Variants in ADAMTS20 observed in about 807,000 individuals in gnomAD.
ADAMTS20 encodes A disintegrin and metalloproteinase with thrombospondin motifs 20.
In ADAMTS20, 225 loss-of-function variants were observed where a neutral mutation model predicts 260.1. That is an observed-to-expected ratio of 0.87 (90% CI 0.78 to 0.97). The LOEUF (loss-of-function observed/expected upper bound fraction) is 0.97, where lower values mean the gene tolerates loss of function less well. ADAMTS20 is among the 50% of genes least tolerant of loss of function. The pLI is 0.00. For synonymous variants in ADAMTS20, 802 were observed against 769.5 expected (o/e 1.04, Z -0.70); for missense variants, 2,400 against 2,337.7 (o/e 1.03, Z -0.55).
Position 43,375,449 on chromosome 12 carries a change from A to C in ADAMTS20, c.5376T>G (p.Asn1792Lys), listed in dbSNP as rs1326328426. Reference protein sequence around the residue: ...GSRREDCECDNGHLAAGYTVF... With the variant: ...GSRREDCECDKGHLAAGYTVF... The stretch of plus-strand genomic sequence containing the variant: ...CAGTGTATCCAGCAGCTAAGTGTCC[A>C]TTGTCACATTCACAGTCTTCCCTTC... The change falls in exon 36 of 39, where the codon AAT becomes AAG. Residue 1792 changes from asparagine (N) to lysine (K), a missense_variant. Coordinates refer to ENST00000389420, the MANE Select transcript of ADAMTS20 (RefSeq NM_025003.5). 6.2e-7 allele frequency: 1 copy of C among 1,613,490 alleles called. No homozygotes were observed. Among genetic ancestry groups the C allele is most frequent in the South Asian group, 1.1e-5 (1 of 91,068 alleles).
Position 43,439,882 on chromosome 12 carries a change from T to A in ADAMTS20, c.2463+15A>T. ...AATTAAATCCAAGTGTTATTACTGATGACTGAGAATTTACCTGCAAAATAA... is the reference window on the plus strand; with the variant it reads ...AATTAAATCCAAGTGTTATTACTGAAGACTGAGAATTTACCTGCAAAATAA... On this transcript the variant is annotated intron_variant, in intron 17 of 38. Coordinates refer to ENST00000389420, the MANE Select transcript of ADAMTS20 (RefSeq NM_025003.5). 6.3e-7 allele frequency: 1 copy of A among 1,599,536 alleles called. No homozygotes were observed. The highest frequency in any genetic ancestry group is 8.5e-7 in the Non-Finnish European group (1 of 1,171,974).
chr12:43,375,896 A>T (rs1292865612), intron 35 of ADAMTS20, among the ~76,000 whole-genome samples, 161 bp downstream of exon 35: 1 of 152,214 alleles, frequency 6.6e-6, no homozygotes, highest in Non-Finnish European at 1.5e-5. Context: ...TTATTTCTGA[A>T]CAGGCATTAA....
intron 28 of ADAMTS20, among the ~76,000 whole-genome samples, chr12:43,412,136 G>A (rs1941043492): frequency 6.6e-6 from 1 of 152,162 alleles, no homozygotes; most frequent in Non-Finnish European, 1.5e-5. Context: ...AAAACCACAG[G>A]AGCAAACTTG....
chr12:43,388,204 G>A (rs978443128), intron 29 of ADAMTS20, among the ~76,000 whole-genome samples: 3 of 152,096 alleles, frequency 2.0e-5, no homozygotes, highest in African/African-American at 4.8e-5. Context: ...AAGACCAGGG[G>A]AAAAGCATAG....
intron 28 of ADAMTS20, among the ~76,000 whole-genome samples, chr12:43,419,725 A>AAC (rs748687663): frequency 1.3e-5 from 2 of 151,532 alleles, no homozygotes; most frequent in South Asian, 2.1e-4. Context: ...TCAACATTAT[A>AAC]ACACACACAC....
intron 21 of ADAMTS20, 95 bp downstream of exon 21, chr12:43,432,209 A>T (rs1164129722): frequency 2.3e-6 from 3 of 1,307,068 alleles, no homozygotes; most frequent in Non-Finnish European, 3.1e-6. Flanking sequence ...ATGATGAAAT[A>T]AATTTAAGCA....
intron 28 of ADAMTS20, among the ~76,000 whole-genome samples, chr12:43,403,795 C>T (rs1472932537): frequency 6.6e-6 from 1 of 151,976 alleles, no homozygotes; most frequent in African/African-American, 2.4e-5. Flanking sequence ...TCCCATAAAG[C>T]AAATGGAATA....
chr12:43,428,729 G>A lies in ADAMTS20; in HGVS notation c.3560C>T (p.Ala1187Val). 6.2e-7 allele frequency: 1 copy of A among 1,612,558 alleles called. No individual in the cohort carries two copies. The highest frequency in any genetic ancestry group is 8.5e-7 in the Non-Finnish European group (1 of 1,179,006). The change falls in exon 25 of 39, where the codon GCA becomes GTA. Residue 1187 changes from alanine (A) to valine (V), a missense_variant. By Grantham distance (64) the Ala-to-Val change is moderately conservative. Transcript: ENST00000389420. ...TAAGTGGGCACAATATGATTCATCT[G>A]CTATTCTATCAAGAGCATCACGACA... is the stretch of plus-strand genomic sequence containing the variant. ...VSCRDALDRI[A>V]DESYCAHLPR...
intron 38 of ADAMTS20, among the ~76,000 whole-genome samples, chr12:43,355,367 G>A (rs1376224645): frequency 1.3e-5 from 2 of 152,090 alleles, no homozygotes; most frequent in African/African-American, 2.4e-5. Context: ...TTTCACACCA[G>A]GCATCAGATT....
intron 4 of ADAMTS20, among the ~76,000 whole-genome samples, chr12:43,501,644 C>CT (rs901360048): frequency 2.0e-5 from 3 of 152,040 alleles, no homozygotes; most frequent in Non-Finnish European, 4.4e-5. Context: ...TTATCGTGAC[C>CT]TTATATTCCA....
At chr12:43,417,776 C>T (rs1941159121) in intron 28 of ADAMTS20, among the ~76,000 whole-genome samples, 1 of 152,120 alleles carries the variant, frequency 6.6e-6, no homozygotes, top group Non-Finnish European at 1.5e-5. Flanking sequence ...GGAAAATAAG[C>T]AAGATTTACT....
chr12:43,386,867 A>G (rs1236026833), intron 29 of ADAMTS20, among the ~76,000 whole-genome samples: 1 of 152,116 alleles, frequency 6.6e-6, no homozygotes, highest in African/African-American at 2.4e-5. Context: ...TACACTGGTT[A>G]TTCTTGTTAG....
rs1205677444 is a variant in ADAMTS20, at chr12:43,548,606, T to C, written c.453+2303A>G. ...GTGTAGAAATAAATATATATAATCA[T>C]AAATAGGTAGCTAATATCCGTTTTA... On this transcript the variant is annotated intron_variant, in intron 2 of 38. Transcript: ENST00000389420. Among the ~76,000 whole-genome samples the C allele has an allele frequency of 3.3e-5, 5 of 152,124 alleles. No homozygotes were observed. The South Asian group carries it at 8.3e-4, about 25-fold the overall frequency.
rs1404122435 is a variant in ADAMTS20 at position 43,432,826 on chromosome 12, T to C, written c.2721-15A>G. ...TAACATGCCACCTTGAAAAAAGATG[T>C]TACTATACTTAGGAGGTATATTACA... is the stretch of plus-strand genomic sequence containing the variant. On this transcript the variant is annotated splice_polypyrimidine_tract_variant and intron_variant, in intron 19 of 38. Transcript: ENST00000389420. The C allele has an allele frequency of 1.9e-6, 3 of 1,589,402 alleles. No homozygotes were observed. Among genetic ancestry groups the C allele is most frequent in the Non-Finnish European group, 2.6e-6 (3 of 1,157,940 alleles).
intron 29 of ADAMTS20, among the ~76,000 whole-genome samples, chr12:43,385,790 T>C (rs1163217591): frequency 6.6e-6 from 1 of 152,144 alleles, no homozygotes; most frequent in Non-Finnish European, 1.5e-5. Flanking sequence ...CTGAGGCCTC[T>C]GTTCTGTTTC....
intron 12 of ADAMTS20, among the ~76,000 whole-genome samples, chr12:43,453,178 T>A (rs925877079): frequency 6.6e-5 from 10 of 152,218 alleles, no homozygotes; most frequent in African/African-American, 2.4e-4. Context: ...AAAATAAAAT[T>A]TTTTGCAGAA....
Position 43,367,443 on chromosome 12 carries a change from A to C in ADAMTS20, c.5538+1847T>G, listed in dbSNP as rs189626737. On this transcript the variant is annotated intron_variant, in intron 37 of 38. Transcript: ENST00000389420. ...TCTATCAATCCAGTAATGGACAAAA[A>C]CCACAGGATCTTCTCCACAGAAAAT... 5.9e-5 allele frequency among the ~76,000 whole-genome samples: 9 copies of C among 152,144 alleles called. No individual in the cohort carries two copies. The East Asian group carries it at 1.7e-3, about 29-fold the overall frequency.
At chr12:43,467,818 C>T (rs780276096) in intron 8 of ADAMTS20, among the ~76,000 whole-genome samples, 12 of 151,952 alleles carry the variant, frequency 7.9e-5, no homozygotes, top group Non-Finnish European at 1.6e-4. Flanking sequence ...ATTATTATTC[C>T]CCTTGAATGT....
chr12:43,540,255 T>C (rs1943358848), intron 2 of ADAMTS20, among the ~76,000 whole-genome samples: 1 of 152,130 alleles, frequency 6.6e-6, no homozygotes, highest in Non-Finnish European at 1.5e-5. Context: ...TGCACATGGG[T>C]CCAATCTGTG....
Sources: gnomAD v4.1 joint callset for allele counts (sites outside exome capture counted in the v4.1 genomes callset) on GRCh38, gnomAD v4.1.1 for gene constraint, MANE v1.5 for transcripts, NCBI Gene and HGNC (gene_info 2026-07-23, HGNC 2026-07-21) for gene names.